Variants in GYPB observed in about 807,000 individuals in gnomAD.
GYPB encodes glycophorin-B.
Under a neutral mutation model 15.3 loss-of-function variants are expected in GYPB, and 13 were observed. That is an observed-to-expected ratio of 0.85 (90% CI 0.55 to 1.35). The LOEUF (loss-of-function observed/expected upper bound fraction) is 1.35, where lower values mean the gene tolerates loss of function less well. Among genes scored for constraint, GYPB ranks in the 40% most tolerant of loss-of-function variants. The probability of loss-of-function intolerance (pLI) is 0.00; values close to 1 mark genes in which losing one functional copy is unlikely to be tolerated. For missense variants in GYPB, 131 were observed against 108.3 expected, an observed-to-expected ratio of 1.21 and a Z score of -0.93; for synonymous variants, 38 against 36.9, an observed-to-expected ratio of 1.03 and a Z score of -0.11.
intron 1 of GYPB, among the ~76,000 whole-genome samples, chr4:144,017,953 C>G (rs914729590): frequency 1.2e-4 from 18 of 151,354 alleles, no homozygotes; most frequent in African/African-American, 4.4e-4. Context: ...TTTCTTGTCT[C>G]TCTGACTCTC....
chr4:144,010,497 G>A lies in GYPB; in HGVS notation c.37+8754C>T, dbSNP rs1166272001. On this transcript the variant is annotated intron_variant, in intron 1 of 4. Transcript: ENST00000502664. Reference sequence around the variant, plus strand: ...AAAAAATTAAGTTGTATAAAATGGAGAGAATATATCAAAGTACATCACACA... The same window carrying A: ...AAAAAATTAAGTTGTATAAAATGGAAAGAATATATCAAAGTACATCACACA... Among the ~76,000 whole-genome samples, 2 of 151,344 alleles carry A rather than the reference G, an allele frequency of 1.3e-5. 1 individual carries two copies. Among genetic ancestry groups the A allele is most frequent in the African/African-American group, 4.9e-5 (2 of 40,642 alleles).
In GYPB at chr4:143,997,678, A is replaced by G. The variant is rs758929559; in HGVS notation, c.176-44T>C. 36 of 952,760 alleles carry G rather than the reference A, an allele frequency of 3.8e-5. No homozygotes were observed. In the East Asian group the frequency reaches 7.4e-4, roughly 20 times the overall value. 59.0% of individuals were successfully genotyped at this position (952,760 alleles called of 1,614,324 possible). ...TTATGAAAGTCTGAAATAAATGACC[A>G]CATAGCAATAGAAAAATAAGACAGA... On this transcript the variant is annotated intron_variant, in intron 3 of 4. Coordinates refer to ENST00000502664, the MANE Select transcript of GYPB (RefSeq NM_002100.6).
At chr4:144,009,561 A>AATATTCAC (rs1255189386) in intron 1 of GYPB, among the ~76,000 whole-genome samples, 1 of 147,468 alleles carries the variant, frequency 6.8e-6, no homozygotes, top group Non-Finnish European at 1.5e-5. Flanking sequence ...AATTTCATAT[A>AATATTCAC]ATATTCACAT....
downstream of GYPB, chr4:143,995,957 G>C (rs539775145): frequency 3.2e-5 from 9 of 282,332 alleles, no homozygotes; most frequent in East Asian, 6.2e-4. Flanking sequence ...CCTAATGAGA[G>C]TCCAGGCTGA....
chr4:144,007,705 G>A (rs572370703), intron 1 of GYPB, among the ~76,000 whole-genome samples: 2 of 151,676 alleles, frequency 1.3e-5, no homozygotes, highest in East Asian at 3.9e-4. Context: ...CAAATGGTTG[G>A]GGGATCTGTG....
chr4:144,007,812 C>T (rs1228489955), intron 1 of GYPB, among the ~76,000 whole-genome samples: 1 of 151,260 alleles, frequency 6.6e-6, no homozygotes, highest in Non-Finnish European at 1.5e-5. Context: ...AAAAGTTTTG[C>T]TTTTTTCTTG....
Position 144,016,140 on chromosome 4 carries a change from GAAAAAAAAAAAAAAA to G in GYPB, c.37+3096_37+3110del, listed in dbSNP as rs10594193. ...AGCAAGGCTCTCTTCTTGGATCCCTGAAAAAAAAAAAAAAAAAAAAAAAAAAAAAAGAGATGCCTT... is the reference window on the plus strand; with the variant it reads ...AGCAAGGCTCTCTTCTTGGATCCCTGAAAAAAAAAAAAAAAGAGATGCCTT... On this transcript the variant is annotated intron_variant, in intron 1 of 4. Coordinates refer to ENST00000502664, the MANE Select transcript of GYPB (RefSeq NM_002100.6). 2.1e-4 allele frequency among the ~76,000 whole-genome samples: 8 copies of G among 38,860 alleles called. No homozygotes were observed. In the Admixed American group the frequency reaches 2.9e-3, roughly 14 times the overall value. 25.5% of individuals were successfully genotyped at this position (38,860 alleles called of 152,430 possible).
intron 1 of GYPB, among the ~76,000 whole-genome samples, chr4:144,009,689 C>T (rs1379373968): frequency 7.9e-6 from 1 of 126,396 alleles, no homozygotes; most frequent in South Asian, 2.7e-4. Flanking sequence ...TCTCCGCTCA[C>T]TGCAAACTCC....
intron 1 of GYPB, among the ~76,000 whole-genome samples, chr4:144,016,267 C>T (rs1044642871): frequency 1.1e-4 from 17 of 149,986 alleles, no homozygotes; most frequent in South Asian, 2.1e-4. Context: ...TCTGTCTATG[C>T]GGAGCACTCA....
At chr4:143,995,491 G>C (rs1320060077), downstream of GYPB, among the ~76,000 whole-genome samples, 1 of 151,220 alleles carries the variant, frequency 6.6e-6, no homozygotes, top group Non-Finnish European at 1.5e-5. Context: ...GCTGCACATT[G>C]GGACCCCAGG....
At chr4:144,009,222 C>T (rs1240796210) in intron 1 of GYPB, among the ~76,000 whole-genome samples, 1 of 151,338 alleles carries the variant, frequency 6.6e-6, no homozygotes, top group Non-Finnish European at 1.5e-5. Flanking sequence ...GTTTGGCCTG[C>T]AGCCTCACAA....
Position 143,999,207 on chromosome 4 carries a change from C to T in GYPB, c.175+204G>A, listed in dbSNP as rs180680912. On this transcript the variant is annotated intron_variant, in intron 3 of 4. Transcript: ENST00000502664. ...TATAGGCATGAGCCACGGCCCCTGG[C>T]CCCCAAAATGTTTTTAAAAATAAGA... 4.4e-4 allele frequency: 204 copies of T among 458,622 alleles called. 7 individuals carry two copies. The highest frequency in any genetic ancestry group is 3.8e-3 in the African/African-American group (178 of 46,438). The allele number at this position is 458,622 out of a possible 1,614,324, so 28.4% of individuals were successfully genotyped here.
In GYPB at chr4:144,013,926, AAT is replaced by A. The variant is rs1280556334; in HGVS notation, c.37+5323_37+5324del. 1.1e-3 allele frequency among the ~76,000 whole-genome samples: 158 copies of A among 147,974 alleles called. 4 individuals are homozygous for A. Among genetic ancestry groups the A allele is most frequent in the African/African-American group, 4.0e-3 (148 of 37,450 alleles). ...AAAACTTAAAGTATAGTAAAAAAAA[AAT>A]AATGGGTGAAGGACTAGAACCAACA... is the stretch of plus-strand genomic sequence containing the variant. On this transcript the variant is annotated intron_variant, in intron 1 of 4. Coordinates refer to ENST00000502664, the MANE Select transcript of GYPB (RefSeq NM_002100.6).
intron 1 of GYPB, among the ~76,000 whole-genome samples, chr4:144,014,318 A>T (rs1271993307): frequency 6.6e-6 from 1 of 151,780 alleles, no homozygotes; most frequent in Non-Finnish European, 1.5e-5. Context: ...TATTCACATT[A>T]GCCAAAAGGT....
intron 1 of GYPB, among the ~76,000 whole-genome samples, chr4:144,010,236 A>G (rs575812453): frequency 2.6e-5 from 4 of 151,382 alleles, no homozygotes; most frequent in African/African-American, 7.4e-5. Flanking sequence ...GGCCAAGGCA[A>G]GAGGATCCCT....
At chr4:144,018,213 A>T (rs1004060610) in intron 1 of GYPB, among the ~76,000 whole-genome samples, 1 of 151,422 alleles carries the variant, frequency 6.6e-6, no homozygotes, top group Non-Finnish European at 1.5e-5. Context: ...CATTTTAAAG[A>T]CGAGGACACA....
intron 2 of GYPB, among the ~76,000 whole-genome samples, chr4:144,000,810 C>T (rs1239306635): frequency 1.3e-5 from 2 of 151,156 alleles, no homozygotes; most frequent in African/African-American, 4.9e-5. Flanking sequence ...CCCTGCAGGG[C>T]AACTCACCCT....
chr4:144,001,454 AT>A (rs1727623956), intron 1 of GYPB, among the ~76,000 whole-genome samples, 171 bp from the exon 2 acceptor site: 1 of 151,450 alleles, frequency 6.6e-6, no homozygotes, highest in South Asian at 2.1e-4. Context: ...GTATTGTATT[AT>A]TGGCCTTATT....
At chr4:144,003,794 C>T (rs1045311048) in intron 1 of GYPB, among the ~76,000 whole-genome samples, 3 of 151,274 alleles carry the variant, frequency 2.0e-5, no homozygotes, top group Non-Finnish European at 2.9e-5. Context: ...AAGGCTGAAA[C>T]CCCAGAGATC....
Sources: allele counts gnomAD v4.1 joint callset (sites outside exome capture counted in the v4.1 genomes callset), GRCh38; gene constraint gnomAD v4.1.1; transcripts MANE v1.5; gene names NCBI Gene and HGNC (gene_info 2026-07-23, HGNC 2026-07-21).